Variants in LIN52 observed in about 807,000 individuals in gnomAD.
LIN52 encodes protein lin-52 homolog.
Under a neutral mutation model 18.5 loss-of-function variants are expected in LIN52, and 4 were observed. That is an observed-to-expected ratio of 0.22 (90% CI 0.11 to 0.49). The LOEUF is 0.49. Ranked by LOEUF, LIN52 falls within the 20% of genes least tolerant of loss-of-function variation. The pLI is 0.97. For synonymous variants in LIN52, 34 were observed against 45.5 expected, an observed-to-expected ratio of 0.75 and a Z score of 1.02; for missense variants, 102 against 139.5, an observed-to-expected ratio of 0.73 and a Z score of 1.35.
intron 5 of LIN52, among the ~76,000 whole-genome samples, chr14:74,110,837 G>A (rs2060921930): frequency 6.7e-6 from 1 of 149,570 alleles, no homozygotes; most frequent in East Asian, 2.0e-4. Flanking sequence ...GTGGTGGTGG[G>A]CACCTGTAGT....
rs549381236 is a variant in LIN52 at position 74,110,767 on chromosome 14, A to G, written c.283+9529A>G. ...ATCACGAGGTCAGGAGATCGAGACCATCCTGGCTAACACAGTGAAACCCCG... is the reference window on the plus strand; with the variant it reads ...ATCACGAGGTCAGGAGATCGAGACCGTCCTGGCTAACACAGTGAAACCCCG... On this transcript the variant is annotated intron_variant, in intron 5 of 5. Coordinates refer to ENST00000555028, the MANE Select transcript of LIN52 (RefSeq NM_001024674.3). Among the ~76,000 whole-genome samples the G allele has an allele frequency of 2.0e-4, 31 of 152,096 alleles. 1 individual carries two copies. The South Asian group carries it at 6.2e-3, about 31-fold the overall frequency.
intron 5 of LIN52, among the ~76,000 whole-genome samples, chr14:74,160,691 C>T (rs2061220418): frequency 6.6e-6 from 1 of 152,272 alleles, no homozygotes; most frequent in East Asian, 1.9e-4. Context: ...TTACTCTTTA[C>T]TTTCTCAAGC....
In LIN52 at chr14:74,112,127, A is replaced by T. The variant is rs538128018; in HGVS notation, c.283+10889A>T. 7.2e-4 allele frequency among the ~76,000 whole-genome samples: 109 copies of T among 152,094 alleles called. No individual in the cohort carries two copies. The South Asian group carries it at 9.4e-3, about 13-fold the overall frequency. On this transcript the variant is annotated intron_variant, in intron 5 of 5. Transcript: ENST00000555028. ...ACTCCTGAACTCAGGTGATCCGCCCACCTCGGCCTCCCAAAGTTCTGGGAT... is the reference window on the plus strand; with the variant it reads ...ACTCCTGAACTCAGGTGATCCGCCCTCCTCGGCCTCCCAAAGTTCTGGGAT...
chr14:74,171,492 A>G (rs2061270325), intron 5 of LIN52, among the ~76,000 whole-genome samples: 1 of 152,066 alleles, frequency 6.6e-6, no homozygotes, highest in South Asian at 2.1e-4. Flanking sequence ...GTTTTAATCT[A>G]CAAAAAATTT....
At chr14:74,102,722 A>T (rs1010028233) in intron 5 of LIN52, among the ~76,000 whole-genome samples, 22 of 152,204 alleles carry the variant, frequency 1.4e-4, no homozygotes, top group African/African-American at 5.3e-4. Context: ...TCAATGAAGT[A>T]AATGTTATGT....
At chr14:74,088,708 T>C (rs2060751629) in intron 1 of LIN52, among the ~76,000 whole-genome samples, 1 of 152,226 alleles carries the variant, frequency 6.6e-6, no homozygotes, top group Non-Finnish European at 1.5e-5. Flanking sequence ...ATTTTGTACG[T>C]ATGTATATTT....
chr14:74,198,800 C>T, intron 5 of LIN52, 122 bp from the exon 6 acceptor site: 1 of 725,794 alleles, frequency 1.4e-6, no homozygotes, highest in East Asian at 2.7e-5. Context: ...ATGATTGAAT[C>T]TGTTGTGATA....
intron 2 of LIN52, 62 bp from the exon 3 acceptor site, chr14:74,095,886 G>T: frequency 1.9e-6 from 2 of 1,051,868 alleles, no homozygotes; most frequent in South Asian, 2.8e-5. Flanking sequence ...CTTATTATTT[G>T]GATCTTCTAT....
chr14:74,135,521 C>T (rs771533060), intron 5 of LIN52, among the ~76,000 whole-genome samples: 14 of 151,342 alleles, frequency 9.3e-5, no homozygotes, highest in Non-Finnish European at 1.9e-4. Flanking sequence ...GCTTACATTC[C>T]TTTTTGACTG....
chr14:74,107,181 A>G (rs777949726), intron 5 of LIN52, among the ~76,000 whole-genome samples: 1 of 152,214 alleles, frequency 6.6e-6, no homozygotes, highest in Non-Finnish European at 1.5e-5. Flanking sequence ...TTCTCTTATG[A>G]CAGTGGATGG....
In LIN52 at chr14:74,103,748, T is replaced by G. The variant is rs868102660; in HGVS notation, c.283+2510T>G. Among the ~76,000 whole-genome samples, 1,165 of 137,418 alleles carry G rather than the reference T, an allele frequency of 8.5e-3. 27 individuals are homozygous for G. The highest frequency in any genetic ancestry group is 0.029 in the African/African-American group (1,060 of 36,554). The allele number at this position is 137,418 out of a possible 152,430, so 90.2% of individuals were successfully genotyped here. A position where few individuals can be genotyped will look rare whatever the true frequency, so the allele number is the denominator to read the frequency against. The stretch of plus-strand genomic sequence containing the variant: ...GGCCTGGCCAGTTTTTTTTTTTTTT[T>G]TTTTTTTTTTTTTTTTTTTTTAAGA... On this transcript the variant is annotated intron_variant, in intron 5 of 5. Transcript: ENST00000555028.
At chr14:74,198,859 T>C (rs2078930603) in intron 5 of LIN52, 63 bp from the exon 6 acceptor site, 1 of 1,188,796 alleles carries the variant, frequency 8.4e-7, no homozygotes, top group Non-Finnish European at 1.3e-6. Flanking sequence ...AATTAAATCT[T>C]CCTATGATTC....
At chr14:74,152,023 G>A (rs1159528385) in intron 5 of LIN52, among the ~76,000 whole-genome samples, 1 of 152,172 alleles carries the variant, frequency 6.6e-6, no homozygotes. Flanking sequence ...TTGGGAGGCT[G>A]AGGTGGGCGA....
In LIN52 at chr14:74,101,205, C is replaced by T; in HGVS notation, c.250C>T (p.Gln84Ter). ...TTTGATGGAGAAGGTTCGAGGCCTA[C>T]AGAACCTAGCCTATCAGCTGGGGCT... The part of the protein sequence containing the change: ...ANLMEKVRGL[Q>*]NLAYQLGLDE... Residue 84 changes from glutamine to a stop codon, truncating the protein, a stop_gained, in exon 5 of 6, where the codon CAG becomes TAG. Coordinates refer to ENST00000555028, the MANE Select transcript of LIN52 (RefSeq NM_001024674.3). LOFTEE classifies it high-confidence loss of function. 13 of 1,611,096 alleles carry T rather than the reference C, an allele frequency of 8.1e-6. No homozygotes were observed. The highest frequency in any genetic ancestry group is 1.1e-5 in the Non-Finnish European group (13 of 1,179,032).
chr14:74,186,376 G>C (rs1321353896), intron 5 of LIN52, among the ~76,000 whole-genome samples: 5 of 152,200 alleles, frequency 3.3e-5, no homozygotes, highest in Non-Finnish European at 7.3e-5. Context: ...TATTTCAACA[G>C]ATTGTTGATC....
At chr14:74,178,030 C>T (rs1237827978) in intron 5 of LIN52, among the ~76,000 whole-genome samples, 3 of 152,116 alleles carry the variant, frequency 2.0e-5, no homozygotes, top group African/African-American at 7.2e-5. Flanking sequence ...TCACCTGCCT[C>T]GGCCTCCCAA....
intron 5 of LIN52, among the ~76,000 whole-genome samples, chr14:74,104,306 G>A (rs2060883419): frequency 6.6e-6 from 1 of 152,076 alleles, no homozygotes; most frequent in South Asian, 2.1e-4. Context: ...TTAGATTTCT[G>A]TAGTTGACTC....
chr14:74,176,323 G>C (rs2061294451), intron 5 of LIN52, among the ~76,000 whole-genome samples: 2 of 152,068 alleles, frequency 1.3e-5, no homozygotes, highest in African/African-American at 4.8e-5. Context: ...TGTTGGCCAG[G>C]CTGGTTTTGA....
chr14:74,169,074 G>A (rs894031884), intron 5 of LIN52, among the ~76,000 whole-genome samples: 11 of 152,064 alleles, frequency 7.2e-5, no homozygotes, highest in African/African-American at 2.2e-4. Flanking sequence ...AAGAATTTCC[G>A]GAGAGAAAGG....
Sources: gnomAD v4.1 joint callset for allele counts (sites outside exome capture counted in the v4.1 genomes callset) on GRCh38, gnomAD v4.1.1 for gene constraint, MANE v1.5 for transcripts, NCBI Gene and HGNC (gene_info 2026-07-23, HGNC 2026-07-21) for gene names.